NPAT: variants seen among roughly 807,000 people sequenced by gnomAD.
The protein encoded by NPAT is protein NPAT.
NPAT carries 52 observed loss-of-function variants against 130.7 expected under a neutral mutation model. The ratio of observed to expected loss-of-function variants is 0.40; its 90% CI spans 0.32 to 0.50. The LOEUF (loss-of-function observed/expected upper bound fraction) is 0.50. Among genes scored for constraint, NPAT ranks in the 20% least tolerant of loss-of-function variants. The pLI is 0.68. For synonymous variants in NPAT, 580 were observed against 584.8 expected (o/e 0.99, Z 0.12); for missense variants, 1,687 against 1,662.6 (o/e 1.01, Z -0.26).
chr11:108,173,994 C>T (rs565449999), intron 12 of NPAT, 143 bp from the exon 13 acceptor site: 1 of 750,144 alleles, frequency 1.3e-6, no homozygotes, highest in Admixed American at 2.1e-5. Flanking sequence ...CTGTGTTTCC[C>T]ATTTACTGAG....
At chr11:108,209,378 GGA>G (rs1277357311) in intron 1 of NPAT, among the ~76,000 whole-genome samples, 1 of 152,236 alleles carries the variant, frequency 6.6e-6, no homozygotes, top group African/African-American at 2.4e-5. Context: ...GGCTGAGGCA[GGA>G]GAGTACCATG....
intron 15 of NPAT, among the ~76,000 whole-genome samples, chr11:108,164,192 G>A (rs1003227557): frequency 6.6e-6 from 1 of 152,190 alleles, no homozygotes; most frequent in Admixed American, 6.5e-5. Flanking sequence ...GATTTGAGAC[G>A]TGTTGTGCAA....
At chr11:108,197,122 T>C (rs2078229981) in intron 2 of NPAT, among the ~76,000 whole-genome samples, 180 bp downstream of exon 2, 1 of 152,256 alleles carries the variant, frequency 6.6e-6, no homozygotes, top group Admixed American at 6.5e-5. Flanking sequence ...ATTTAATAGT[T>C]TTGGCATAAA....
At chr11:108,168,752 G>C (rs990886265) in intron 15 of NPAT, among the ~76,000 whole-genome samples, 1 of 152,174 alleles carries the variant, frequency 6.6e-6, no homozygotes, top group Non-Finnish European at 1.5e-5. Context: ...GGGTAAGAAG[G>C]GGGAATTCTA....
intron 17 of NPAT, 41 bp downstream of exon 17, chr11:108,160,839 A>C: frequency 6.4e-7 from 1 of 1,566,954 alleles, no homozygotes; most frequent in Non-Finnish European, 8.7e-7. Flanking sequence ...CTAAAGCGGA[A>C]AAAAAAGGTG....
intron 3 of NPAT, among the ~76,000 whole-genome samples, chr11:108,192,940 C>T (rs1007831040): frequency 6.6e-6 from 1 of 150,698 alleles, no homozygotes; most frequent in Non-Finnish European, 1.5e-5. Flanking sequence ...GGCAACAGAG[C>T]GAGACTCCCG....
chr11:108,161,746 C>G lies in NPAT; in HGVS notation c.3340G>C (p.Ala1114Pro), dbSNP rs1565305530. ...GGCTTCTCTTTCTCTCTTTTGATAG[C>G]ATTATTAGAAGGGGGTTTTAAGGTG... is the stretch of plus-strand genomic sequence containing the variant. ...SSTLKPPSNN[A>P]IKREKEKPPL... is the part of the protein sequence containing the mutation. The change falls in exon 17 of 18, where the codon GCT (alanine) becomes CCT (proline). Residue 1114 changes from alanine to proline, a missense_variant. Ala to Pro is a conservative substitution (Grantham distance 27, BLOSUM62 -1). This residue lies in a region of NPAT where 1,379 missense variants were observed against 1,346.6 expected (regional missense o/e 1.02). Transcript: ENST00000278612. 1 of 1,613,656 alleles carries G rather than the reference C, an allele frequency of 6.2e-7. No individual in the cohort carries two copies. The highest frequency in any genetic ancestry group is 1.3e-5 in the African/African-American group (1 of 74,976).
At chr11:108,216,395 G>A (rs1591421767) in intron 1 of NPAT, among the ~76,000 whole-genome samples, 1 of 152,028 alleles carries the variant, frequency 6.6e-6, no homozygotes, top group South Asian at 2.1e-4. Context: ...GGGCAGGGAG[G>A]AATGAAGAAA....
intron 15 of NPAT, among the ~76,000 whole-genome samples, chr11:108,168,927 C>A (rs1267852999): frequency 2.0e-5 from 3 of 152,078 alleles, no homozygotes; most frequent in Admixed American, 6.6e-5. Context: ...ACATATGTCA[C>A]CCTGAGAAAT....
chr11:108,212,299 C>G (rs1009918621), intron 1 of NPAT, among the ~76,000 whole-genome samples: 3 of 152,000 alleles, frequency 2.0e-5, no homozygotes, highest in Non-Finnish European at 4.4e-5. Flanking sequence ...CCGAGCTGGG[C>G]GGATCATTTG....
chr11:108,188,509 C>T (rs2078130897), intron 6 of NPAT, among the ~76,000 whole-genome samples: 1 of 152,224 alleles, frequency 6.6e-6, no homozygotes, highest in South Asian at 2.1e-4. Flanking sequence ...ATCTTGATGG[C>T]AACAAATTTT....
chr11:108,180,449 G>A (rs777796226), intron 10 of NPAT, among the ~76,000 whole-genome samples: 1 of 152,168 alleles, frequency 6.6e-6, no homozygotes, highest in Non-Finnish European at 1.5e-5. Context: ...CATGTGAAAC[G>A]ATGCTTAACA....
chr11:108,183,143 G>A (rs1368024282), intron 10 of NPAT, among the ~76,000 whole-genome samples: 6 of 151,800 alleles, frequency 4.0e-5, no homozygotes, highest in African/African-American at 1.5e-4. Context: ...ATAACACCTG[G>A]CTAATTAAAA....
intron 13 of NPAT, chr11:108,171,975 A>G: frequency 1.8e-6 from 1 of 552,038 alleles, no homozygotes; most frequent in African/African-American, 1.9e-5. Flanking sequence ...TATTTGTGAA[A>G]AGAAAAAAGA....
chr11:108,169,505 A>G (rs574760502), intron 15 of NPAT, among the ~76,000 whole-genome samples: 1 of 152,360 alleles, frequency 6.6e-6, no homozygotes, highest in Non-Finnish European at 1.5e-5. Context: ...GGGAAGCTGC[A>G]AAGAACAAAC....
At chr11:108,174,894 C>T (rs1208454723) in intron 12 of NPAT, among the ~76,000 whole-genome samples, 4 of 152,184 alleles carry the variant, frequency 2.6e-5, no homozygotes, top group Admixed American at 6.5e-5. Context: ...GCTGGGATTA[C>T]AGGCATAAGC....
At chr11:108,180,994 T>TCAAAA (rs2078052961) in intron 10 of NPAT, among the ~76,000 whole-genome samples, 1 of 152,120 alleles carries the variant, frequency 6.6e-6, no homozygotes, top group Non-Finnish European at 1.5e-5. Flanking sequence ...ATCAAACTCA[T>TCAAAA]CAAAACAGAA....
At chr11:108,204,509 T>C (rs185507660) in intron 1 of NPAT, among the ~76,000 whole-genome samples, 2 of 152,158 alleles carry the variant, frequency 1.3e-5, no homozygotes, top group East Asian at 3.9e-4. Context: ...CATGTCCATG[T>C]AATCTCATTC....
intron 1 of NPAT, among the ~76,000 whole-genome samples, chr11:108,214,227 G>A (rs192069904): frequency 1.2e-4 from 18 of 152,052 alleles, no homozygotes; most frequent in Non-Finnish European, 2.2e-4. Flanking sequence ...ATTAATGAAT[G>A]GACAAACAAA....
Sources: gnomAD v4.1 joint callset for allele counts (sites outside exome capture counted in the v4.1 genomes callset) on GRCh38, gnomAD v4.1.1 for gene constraint, gnomAD v4.1.1 regional missense constraint, MANE v1.5 for transcripts, NCBI Gene and HGNC (gene_info 2026-07-23, HGNC 2026-07-21) for gene names.